SESTD1: variants seen among roughly 807,000 people sequenced by gnomAD.
SESTD1 encodes the protein SEC14 domain and spectrin repeat-containing protein 1.
SESTD1 carries 43 observed loss-of-function variants against 101.7 expected under a neutral mutation model. The observed-to-expected ratio is 0.42, with a 90% CI of 0.33 to 0.55. The LOEUF (loss-of-function observed/expected upper bound fraction) is 0.55. Among genes scored for constraint, SESTD1 ranks in the 20% least tolerant of loss-of-function variants. The pLI, the probability that SESTD1 is intolerant of heterozygous loss-of-function variation, is 0.07. For missense variants in SESTD1, 647 were observed against 815.1 expected, an observed-to-expected ratio of 0.79 and a Z score of 2.51; for synonymous variants, 283 against 286.8, an observed-to-expected ratio of 0.99 and a Z score of 0.13.
chr2:179,171,634 C>T (rs2045932045), intron 5 of SESTD1, among the ~76,000 whole-genome samples: 1 of 151,922 alleles, frequency 6.6e-6, no homozygotes, highest in Non-Finnish European at 1.5e-5. Flanking sequence ...TTTTTTCTAA[C>T]CTACAGTAAG....
chr2:179,125,373 G>A (rs909245749), intron 10 of SESTD1, among the ~76,000 whole-genome samples: 1 of 152,094 alleles, frequency 6.6e-6, no homozygotes, highest in African/African-American at 2.4e-5. Flanking sequence ...CCACCTCCCA[G>A]CATATAACCC....
chr2:179,177,011 A>C (rs535148267), intron 3 of SESTD1, among the ~76,000 whole-genome samples: 2 of 152,286 alleles, frequency 1.3e-5, no homozygotes, highest in South Asian at 4.1e-4. Context: ...AAACCACAAT[A>C]ATGGGCTTCT....
intron 1 of SESTD1, among the ~76,000 whole-genome samples, chr2:179,230,510 G>A (rs2046971805): frequency 6.6e-6 from 1 of 151,776 alleles, no homozygotes; most frequent in South Asian, 2.1e-4. Context: ...CCTGAAAATA[G>A]AATGGGCAAA....
At position 179,109,609 on chromosome 2, in the gene SESTD1, T is replaced by A. The variant is rs1468361062; in HGVS notation, c.*290A>T. 2.3e-6 allele frequency: 1 copy of A among 443,054 alleles called. No homozygotes were observed. Among genetic ancestry groups the A allele is most frequent in the Non-Finnish European group, 4.0e-6 (1 of 251,724 alleles). The allele number at this position is 443,054 out of a possible 1,614,324, so 27.4% of individuals were successfully genotyped here. On this transcript the variant is annotated 3_prime_UTR_variant, in exon 18 of 18. Coordinates refer to ENST00000428443, the MANE Select transcript of SESTD1 (RefSeq NM_178123.5). ...TATTAGCACCATTCAAAGCTTATTA[T>A]CAGTTGTTTGTCTACAAACTGACAG... is the stretch of plus-strand genomic sequence containing the variant.
intron 1 of SESTD1, among the ~76,000 whole-genome samples, chr2:179,219,565 C>T (rs1015120382): frequency 7.9e-5 from 12 of 152,170 alleles, no homozygotes; most frequent in African/African-American, 2.9e-4. Context: ...ACTGTTGTTA[C>T]AAAGTAAGAG....
chr2:179,242,910 G>C (rs1339182095), intron 1 of SESTD1, among the ~76,000 whole-genome samples: 2 of 152,090 alleles, frequency 1.3e-5, no homozygotes, highest in Non-Finnish European at 1.5e-5. Flanking sequence ...TCATGACTAA[G>C]TCCTAAAAAG....
chr2:179,185,534 G>A (rs2046201504), intron 2 of SESTD1, among the ~76,000 whole-genome samples: 1 of 133,146 alleles, frequency 7.5e-6, no homozygotes, highest in Non-Finnish European at 1.5e-5. Context: ...TTGTATATAT[G>A]TAATATATGA....
At chr2:179,229,749 T>TATATATATATATATATATATA (rs2046950405) in intron 1 of SESTD1, among the ~76,000 whole-genome samples, 22 of 106,354 alleles carry the variant, frequency 2.1e-4, no homozygotes, top group Middle Eastern at 5.0e-3. Context: ...TTGTAAGAAC[T>TATATATATATATATATATATA]TATATATATA....
chr2:179,151,808 G>T (rs368568501), intron 5 of SESTD1, among the ~76,000 whole-genome samples: 49 of 152,212 alleles, frequency 3.2e-4, no homozygotes, highest in African/African-American at 1.0e-3. Flanking sequence ...CCATTTTAAA[G>T]TTTTTCTAAT....
chr2:179,145,195 T>C (rs2045367564), intron 8 of SESTD1, among the ~76,000 whole-genome samples: 1 of 152,190 alleles, frequency 6.6e-6, no homozygotes, highest in Non-Finnish European at 1.5e-5. Context: ...AATACATTTA[T>C]TTTTTTCTAC....
At chr2:179,120,937 A>G (rs1357420584) in intron 13 of SESTD1, among the ~76,000 whole-genome samples, 1 of 152,136 alleles carries the variant, frequency 6.6e-6, no homozygotes, top group Middle Eastern at 3.2e-3. Flanking sequence ...CAGAGTAGAG[A>G]ATGGGATTTG....
intron 1 of SESTD1, among the ~76,000 whole-genome samples, chr2:179,220,258 T>A (rs1277019284): frequency 3.4e-4 from 52 of 152,198 alleles, no homozygotes; most frequent in Non-Finnish European, 1.2e-4. Flanking sequence ...AACCTCCATT[T>A]TTGAAGGTCC....
chr2:179,129,083 A>C (rs2044949885), intron 10 of SESTD1, among the ~76,000 whole-genome samples: 1 of 152,236 alleles, frequency 6.6e-6, no homozygotes, highest in African/African-American at 2.4e-5. Context: ...CTCGGGTTAA[A>C]AAGGTGATTA....
intron 1 of SESTD1, among the ~76,000 whole-genome samples, chr2:179,195,583 C>T (rs574662052): frequency 9.2e-5 from 14 of 152,292 alleles, no homozygotes; most frequent in African/African-American, 3.4e-4. Flanking sequence ...CAAACAAGCC[C>T]TAGCAAGAAA....
At chr2:179,224,113 T>C (rs2046850144) in intron 1 of SESTD1, among the ~76,000 whole-genome samples, 1 of 152,232 alleles carries the variant, frequency 6.6e-6, no homozygotes, top group Non-Finnish European at 1.5e-5. Flanking sequence ...ACAAATCACT[T>C]TGAAACATGG....
At chr2:179,197,893 T>G (rs1274033619) in intron 1 of SESTD1, among the ~76,000 whole-genome samples, 2 of 148,814 alleles carry the variant, frequency 1.3e-5, no homozygotes, top group Admixed American at 6.7e-5. Context: ...AGGAAAAAAC[T>G]GCATCAACTA....
chr2:179,175,120 A>AAGT (rs1232430597), intron 4 of SESTD1, among the ~76,000 whole-genome samples: 3 of 152,196 alleles, frequency 2.0e-5, no homozygotes, highest in Non-Finnish European at 4.4e-5. Context: ...TACTTAGACT[A>AAGT]TACTAAGTTC....
At chr2:179,142,480 T>C (rs1192307479) in intron 9 of SESTD1, among the ~76,000 whole-genome samples, 1 of 152,008 alleles carries the variant, frequency 6.6e-6, no homozygotes, top group Non-Finnish European at 1.5e-5. Flanking sequence ...GGCTCAGGGG[T>C]GAAGTATCGT....
In SESTD1 at chr2:179,149,353, A is replaced by T; in HGVS notation, c.525T>A (p.Asp175Glu). Residue 175 changes from aspartate (D) to glutamate (E), a missense_variant, in exon 7 of 18, where the codon GAT becomes GAA. By Grantham distance (45) the Asp-to-Glu change is conservative (BLOSUM62 2). Transcript: ENST00000428443. Reference protein sequence around the residue: ...KFTKESTSLLDELALINNGSD... With the variant: ...KFTKESTSLLEELALINNGSD... ...TTCCATTGTTAATCAAAGCAAGTTC[A>T]TCTAATAATGATGTAGATTCCTTTG... 1 of 1,609,290 alleles carries T rather than the reference A, an allele frequency of 6.2e-7. No homozygotes were observed. The highest frequency in any genetic ancestry group is 8.5e-7 in the Non-Finnish European group (1 of 1,178,924).
Sources: allele counts gnomAD v4.1 joint callset (sites outside exome capture counted in the v4.1 genomes callset), GRCh38; gene constraint gnomAD v4.1.1; transcripts MANE v1.5; gene names NCBI Gene and HGNC (gene_info 2026-07-23, HGNC 2026-07-21).